Variants in PREP observed in about 807,000 individuals in gnomAD.
The protein encoded by PREP is dJ355L5.1 (prolyl endopeptidase).
In PREP, 29 loss-of-function variants were observed where a neutral mutation model predicts 87.6. The observed-to-expected ratio is 0.33, with a 90% CI of 0.25 to 0.45. The LOEUF is 0.45. Ranked by LOEUF, PREP falls within the 20% of genes least tolerant of loss-of-function variation. PREP has a pLI of 1.00. For synonymous variants in PREP, 337 were observed against 328.6 expected (o/e 1.03, Z -0.28); for missense variants, 695 against 886.5 (o/e 0.78, Z 2.74).
At position 105,352,018 on chromosome 6, in the gene PREP, C is replaced by T. The variant is rs199792364; in HGVS notation, c.823+954G>A. On this transcript the variant is annotated intron_variant, in intron 7 of 14. Transcript: ENST00000652536. ...TGCTCAGAGAAGTTTAAAAATGGCG[C>T]GATGCTCAATCAGACAAATATTTTC... Among the ~76,000 whole-genome samples, 13 of 152,136 alleles carry T rather than the reference C, an allele frequency of 8.5e-5. No individual in the cohort carries two copies. The East Asian group carries it at 9.6e-4, about 11-fold the overall frequency.
chr6:105,369,246 T>C (rs1772474352), intron 5 of PREP, among the ~76,000 whole-genome samples: 2 of 152,212 alleles, frequency 1.3e-5, no homozygotes, highest in South Asian at 4.1e-4. Context: ...TATTTAGGTA[T>C]AAATCTAACA....
intron 10 of PREP, among the ~76,000 whole-genome samples, chr6:105,310,189 G>A (rs1371324996): frequency 1.3e-5 from 2 of 152,208 alleles, no homozygotes; most frequent in African/African-American, 4.8e-5. Context: ...CGTGATTAAC[G>A]TAGCCAGGGA....
At chr6:105,329,434 G>A (rs1338153327) in intron 8 of PREP, among the ~76,000 whole-genome samples, 5 of 152,192 alleles carry the variant, frequency 3.3e-5, no homozygotes, top group East Asian at 1.9e-4. Flanking sequence ...GATTACAGGC[G>A]TGAGCCACCA....
At chr6:105,381,241 C>T (rs981548976) in intron 2 of PREP, among the ~76,000 whole-genome samples, 1 of 152,220 alleles carries the variant, frequency 6.6e-6, no homozygotes, top group African/African-American at 2.4e-5. Context: ...TCATAACACA[C>T]ATCTTTATAA....
At chr6:105,388,938 C>T (rs1429657537) in intron 2 of PREP, among the ~76,000 whole-genome samples, 1 of 152,222 alleles carries the variant, frequency 6.6e-6, no homozygotes, top group Non-Finnish European at 1.5e-5. Context: ...AGTTTCATCA[C>T]TACACTTGGG....
chr6:105,303,112 C>CATGTATGTATGT (rs141833268), intron 10 of PREP, among the ~76,000 whole-genome samples: 206 of 150,776 alleles, frequency 1.4e-3, no homozygotes, highest in Admixed American at 2.1e-3. Context: ...AAATGAAGTC[C>CATGTATGTATGT]ATGTATGTAT....
intron 10 of PREP, among the ~76,000 whole-genome samples, chr6:105,300,059 G>A (rs1177289556): frequency 3.9e-5 from 6 of 152,040 alleles, no homozygotes; most frequent in Non-Finnish European, 8.8e-5. Context: ...ACCACACCCG[G>A]GTAACTTTGG....
intron 6 of PREP, among the ~76,000 whole-genome samples, chr6:105,364,517 C>G (rs1583084130): frequency 6.6e-6 from 1 of 152,276 alleles, no homozygotes; most frequent in Non-Finnish European, 1.5e-5. Flanking sequence ...CGACAGCAAG[C>G]CAGAGAAATC....
chr6:105,379,697 G>C (rs1772786396), intron 2 of PREP, among the ~76,000 whole-genome samples: 1 of 152,214 alleles, frequency 6.6e-6, no homozygotes, highest in Non-Finnish European at 1.5e-5. Flanking sequence ...TGCTGGGTAG[G>C]AACATCAGGG....
At chr6:105,367,723 C>T (rs2114701983) in intron 6 of PREP, among the ~76,000 whole-genome samples, 1 of 151,988 alleles carries the variant, frequency 6.6e-6, no homozygotes, top group East Asian at 1.9e-4. Context: ...ACAAAATGTC[C>T]TATAAATTTA....
intron 10 of PREP, among the ~76,000 whole-genome samples, chr6:105,318,221 C>G (rs911410242): frequency 6.6e-6 from 1 of 152,044 alleles, no homozygotes; most frequent in Non-Finnish European, 1.5e-5. Context: ...ATCTCAAAAC[C>G]TCTTTGCAAC....
intron 7 of PREP, among the ~76,000 whole-genome samples, chr6:105,346,253 A>T (rs966392499): frequency 1.1e-4 from 17 of 152,208 alleles, no homozygotes; most frequent in Non-Finnish European, 2.1e-4. Flanking sequence ...CTCTACGCCC[A>T]AAGAATGTCC....
chr6:105,333,683 G>A (rs1355593184), intron 7 of PREP, among the ~76,000 whole-genome samples, 178 bp from the exon 8 acceptor site: 2 of 152,100 alleles, frequency 1.3e-5, no homozygotes, highest in African/African-American at 4.8e-5. Context: ...AAAATGCTAA[G>A]GAGCCCCTGA....
At chr6:105,387,982 G>A (rs187512022) in intron 2 of PREP, among the ~76,000 whole-genome samples, 38 of 152,276 alleles carry the variant, frequency 2.5e-4, no homozygotes, top group Admixed American at 1.3e-3. Flanking sequence ...ACTAAGGAGA[G>A]AGGAGGAAAG....
At chr6:105,329,542 G>C (rs1771265896) in intron 8 of PREP, among the ~76,000 whole-genome samples, 1 of 152,086 alleles carries the variant, frequency 6.6e-6, no homozygotes. Flanking sequence ...AAATACTCTT[G>C]GGCCAGGGGC....
At chr6:105,344,896 T>C (rs1771757746) in intron 7 of PREP, among the ~76,000 whole-genome samples, 1 of 152,202 alleles carries the variant, frequency 6.6e-6, no homozygotes, top group Non-Finnish European at 1.5e-5. Flanking sequence ...GTGTACATTA[T>C]TGTCTGCCAC....
At chr6:105,323,317 T>G (rs751849162) in intron 10 of PREP, among the ~76,000 whole-genome samples, 1 of 152,114 alleles carries the variant, frequency 6.6e-6, no homozygotes, top group Non-Finnish European at 1.5e-5. Flanking sequence ...CAAATCCCCA[T>G]GTTATTTACA....
At chr6:105,398,326 C>G (rs1297446438) in intron 1 of PREP, among the ~76,000 whole-genome samples, 2 of 152,204 alleles carry the variant, frequency 1.3e-5, no homozygotes, top group African/African-American at 4.8e-5. Flanking sequence ...CTAACACACA[C>G]GTGCTCATTC....
intron 2 of PREP, among the ~76,000 whole-genome samples, chr6:105,385,283 TAAAAAAAAA>T (rs11354337): frequency 2.4e-5 from 3 of 122,654 alleles, no homozygotes; most frequent in Non-Finnish European, 5.1e-5. Context: ...AGATCTGCTT[TAAAAAAAAA>T]AAAAAAAAAA....
Sources: allele counts gnomAD v4.1 joint callset (sites outside exome capture counted in the v4.1 genomes callset), GRCh38; gene constraint gnomAD v4.1.1; transcripts MANE v1.5; gene names NCBI Gene and HGNC (gene_info 2026-07-23, HGNC 2026-07-21).